Variants in MYRIP observed in about 807,000 individuals in gnomAD.
MYRIP encodes the protein rab effector MyRIP.
Under a neutral mutation model 98.0 loss-of-function variants are expected in MYRIP, and 49 were observed. That is an observed-to-expected ratio of 0.50 (90% confidence interval 0.40 to 0.63). MYRIP has a LOEUF of 0.63. Among genes scored for constraint, MYRIP ranks in the 30% least tolerant of loss-of-function variants. The pLI is 0.00. For missense variants in MYRIP, 1,004 were observed against 1,058.2 expected, an observed-to-expected ratio of 0.95 and a Z score of 0.71; for synonymous variants, 404 against 409.5, an observed-to-expected ratio of 0.99 and a Z score of 0.16.
chr3:40,110,195 A>G (rs777870772), intron 3 of MYRIP, among the ~76,000 whole-genome samples: 1 of 152,228 alleles, frequency 6.6e-6, no homozygotes, highest in Non-Finnish European at 1.5e-5. Flanking sequence ...CTGAGAAGCC[A>G]GGGAATTTTT....
At chr3:39,963,313 A>G (rs939614072) in intron 2 of MYRIP, among the ~76,000 whole-genome samples, 3 of 152,156 alleles carry the variant, frequency 2.0e-5, no homozygotes, top group Non-Finnish European at 4.4e-5. Flanking sequence ...GAAATGAGCT[A>G]TGAACAACTC....
chr3:39,867,243 A>G (rs994101329), intron 1 of MYRIP, among the ~76,000 whole-genome samples: 1 of 152,230 alleles, frequency 6.6e-6, no homozygotes, highest in African/African-American at 2.4e-5. Flanking sequence ...AAACATTAGG[A>G]AAAAGCTCCT....
intron 1 of MYRIP, among the ~76,000 whole-genome samples, chr3:39,850,721 T>C (rs1942105172): frequency 1.3e-5 from 2 of 152,204 alleles, no homozygotes; most frequent in South Asian, 4.1e-4. Context: ...TCTTGTGTTC[T>C]CTAGTATAAT....
At chr3:40,069,241 T>C (rs1948177621) in intron 3 of MYRIP, among the ~76,000 whole-genome samples, 1 of 152,164 alleles carries the variant, frequency 6.6e-6, no homozygotes, top group Non-Finnish European at 1.5e-5. Context: ...GCAGTGGTTG[T>C]ACAGAAGCTA....
chr3:40,194,504 G>A (rs1041777240), intron 10 of MYRIP, among the ~76,000 whole-genome samples: 2 of 151,924 alleles, frequency 1.3e-5, no homozygotes, highest in African/African-American at 4.8e-5. Context: ...TCTCTTCACT[G>A]TTGTGGATTT....
At chr3:40,069,769 C>T (rs532265863) in intron 3 of MYRIP, among the ~76,000 whole-genome samples, 2 of 152,204 alleles carry the variant, frequency 1.3e-5, no homozygotes, top group South Asian at 2.1e-4. Context: ...TTCCCACTTA[C>T]GGTGTGCGGA....
chr3:39,969,341 A>G (rs576680403), intron 2 of MYRIP, among the ~76,000 whole-genome samples: 1 of 152,196 alleles, frequency 6.6e-6, no homozygotes, highest in African/African-American at 2.4e-5. Flanking sequence ...TGCCCTGACT[A>G]GGACTTCCAA....
chr3:40,051,747 T>G (rs2125839326), intron 3 of MYRIP, among the ~76,000 whole-genome samples: 1 of 152,258 alleles, frequency 6.6e-6, no homozygotes, highest in South Asian at 2.1e-4. Context: ...TAAGAAAACT[T>G]AAGGCTTCTT....
At chr3:40,049,328 C>T (rs1358683975) in intron 3 of MYRIP, among the ~76,000 whole-genome samples, 2 of 152,110 alleles carry the variant, frequency 1.3e-5, no homozygotes, top group Non-Finnish European at 2.9e-5. Flanking sequence ...CTCTATGTCA[C>T]GTTTTGGTAA....
Position 40,046,501 on chromosome 3 carries a change from T to C in MYRIP, c.332+2230T>C, listed in dbSNP as rs1347761568. Among the ~76,000 whole-genome samples the C allele has an allele frequency of 3.4e-5, 5 of 148,702 alleles. No homozygotes were observed. The Admixed American group carries it at 3.4e-4, about 10-fold the overall frequency. On this transcript the variant is annotated intron_variant, in intron 3 of 16. Transcript: ENST00000302541. ...TAGTACAGAATGAGCCTTTAGGAAT[T>C]TTAGAGGAAAGGACTCAGAGACTGT...
intron 1 of MYRIP, among the ~76,000 whole-genome samples, chr3:39,838,512 T>C (rs1941694433): frequency 6.6e-6 from 1 of 152,218 alleles, no homozygotes; most frequent in Admixed American, 6.5e-5. Context: ...GGATTACGTT[T>C]ATTGATTTGC....
intron 2 of MYRIP, among the ~76,000 whole-genome samples, chr3:39,966,387 AT>A (rs1945443148): frequency 6.6e-6 from 1 of 152,076 alleles, no homozygotes; most frequent in South Asian, 2.1e-4. Flanking sequence ...TGACCACTAT[AT>A]TTTCTTGCTT....
At chr3:40,118,886 A>G (rs1949339043) in intron 3 of MYRIP, among the ~76,000 whole-genome samples, 1 of 151,878 alleles carries the variant, frequency 6.6e-6, no homozygotes, top group Non-Finnish European at 1.5e-5. Context: ...AGCTTCATCC[A>G]TGTCCCTACA....
chr3:40,102,475 A>G (rs1288382684), intron 3 of MYRIP, among the ~76,000 whole-genome samples: 2 of 152,114 alleles, frequency 1.3e-5, no homozygotes, highest in Non-Finnish European at 2.9e-5. Context: ...CTGTGGCCCC[A>G]TAGGAGTTTT....
intron 2 of MYRIP, among the ~76,000 whole-genome samples, chr3:39,918,963 G>T (rs910462863): frequency 6.6e-6 from 1 of 152,192 alleles, no homozygotes; most frequent in Non-Finnish European, 1.5e-5. Flanking sequence ...TTGGACAAGG[G>T]AGGGCCTCAG....
intron 3 of MYRIP, among the ~76,000 whole-genome samples, chr3:40,136,527 A>G (rs900723883): frequency 2.0e-5 from 3 of 152,186 alleles, no homozygotes; most frequent in Non-Finnish European, 4.4e-5. Context: ...CTCTGCACCA[A>G]GTGGACCTAA....
At chr3:39,960,982 C>T (rs774562687) in intron 2 of MYRIP, among the ~76,000 whole-genome samples, 4 of 152,182 alleles carry the variant, frequency 2.6e-5, no homozygotes, top group South Asian at 2.1e-4. Context: ...AATGTCATGC[C>T]GAATGGAATG....
At chr3:40,014,130 T>G (rs1172139979) in intron 2 of MYRIP, among the ~76,000 whole-genome samples, 7 of 152,224 alleles carry the variant, frequency 4.6e-5, no homozygotes, top group Non-Finnish European at 7.3e-5. Flanking sequence ...CCTGTGAAAC[T>G]GTGATGATTT....
chr3:40,167,017 T>G, intron 6 of MYRIP, 74 bp downstream of exon 6: 3 of 1,395,662 alleles, frequency 2.1e-6, no homozygotes, highest in Non-Finnish European at 3.0e-6. Context: ...AAAGTGCAGG[T>G]TGTCAGGAAA....
Sources: gnomAD v4.1 joint callset for allele counts (sites outside exome capture counted in the v4.1 genomes callset) on GRCh38, gnomAD v4.1.1 for gene constraint, MANE v1.5 for transcripts, NCBI Gene and HGNC (gene_info 2026-07-23, HGNC 2026-07-21) for gene names.